The following RIT2 variants were observed in gnomAD, a reference collection of about 807,000 sequenced individuals.
RIT2 encodes the protein GTP-binding protein Rit2.
A neutral mutation model predicts 23.7 loss-of-function variants in RIT2; 24 were observed. The ratio of observed to expected loss-of-function variants is 1.01; its 90% CI spans 0.73 to 1.43. The LOEUF (loss-of-function observed/expected upper bound fraction) is 1.43. Ranked by LOEUF, RIT2 falls within the 40% of genes most tolerant of loss-of-function variation. RIT2 has a pLI of 0.00. For missense variants in RIT2, 236 were observed against 266.9 expected (o/e 0.88, Z 0.81); for synonymous variants, 107 against 91.1 (o/e 1.17, Z -0.99).
intron 4 of RIT2, among the ~76,000 whole-genome samples, chr18:42,848,562 T>A (rs1906968730): frequency 6.6e-6 from 1 of 152,186 alleles, no homozygotes; most frequent in African/African-American, 2.4e-5. Context: ...AAAAATGTTA[T>A]GAAGTAGGAA....
intron 1 of RIT2, among the ~76,000 whole-genome samples, chr18:43,079,821 A>G (rs1011977117): frequency 6.6e-6 from 1 of 152,172 alleles, no homozygotes; most frequent in Non-Finnish European, 1.5e-5. Flanking sequence ...CTTCTCCCCT[A>G]CAAAGAAAAG....
rs144903764 is a variant in RIT2, at chr18:42,847,083, G to A, written c.426+76489C>T. 9.1e-3 allele frequency among the ~76,000 whole-genome samples: 1,378 copies of A among 152,062 alleles called. 25 individuals carry two copies. The highest frequency in any genetic ancestry group is 0.032 in the African/African-American group (1,312 of 41,488). ...AACAAATTACTATCATTTGCCATGC[G>A]GTAAAAGGTCTTCAAAAAACATATA... On this transcript the variant is annotated intron_variant, in intron 4 of 4. Coordinates refer to ENST00000326695, the MANE Select transcript of RIT2 (RefSeq NM_002930.4).
intron 2 of RIT2, among the ~76,000 whole-genome samples, chr18:43,026,691 T>G (rs931275447): frequency 1.3e-5 from 2 of 150,988 alleles, no homozygotes; most frequent in African/African-American, 4.9e-5. Flanking sequence ...TTTTTTTTTT[T>G]GTAGAAAGAA....
chr18:42,878,183 G>A (rs951941114), intron 4 of RIT2, among the ~76,000 whole-genome samples: 3 of 151,054 alleles, frequency 2.0e-5, no homozygotes, highest in Non-Finnish European at 4.4e-5. Context: ...CCTGTGAGTG[G>A]AAAATCTGTG....
intron 4 of RIT2, among the ~76,000 whole-genome samples, chr18:42,905,355 C>T (rs952359825): frequency 6.6e-6 from 1 of 152,076 alleles, no homozygotes; most frequent in Non-Finnish European, 1.5e-5. Context: ...ACCTGTATAC[C>T]TGTAAAACTT....
At chr18:43,004,722 T>C (rs2144246580) in intron 2 of RIT2, among the ~76,000 whole-genome samples, 1 of 151,998 alleles carries the variant, frequency 6.6e-6, no homozygotes, top group South Asian at 2.1e-4. Flanking sequence ...ATGAGACCAT[T>C]CACTACAACA....
At chr18:42,933,534 A>C (rs1490427375) in intron 3 of RIT2, among the ~76,000 whole-genome samples, 3 of 152,026 alleles carry the variant, frequency 2.0e-5, no homozygotes, top group Admixed American at 2.0e-4. Context: ...TGCTGTTCTC[A>C]TGATAATGAG....
intron 4 of RIT2, among the ~76,000 whole-genome samples, chr18:42,767,314 C>T (rs1913447876): frequency 1.3e-5 from 2 of 152,208 alleles, no homozygotes; most frequent in Admixed American, 1.3e-4. Context: ...CTTGCATCAG[C>T]ATGACATGGA....
At chr18:42,974,453 A>C (rs1910435036) in intron 2 of RIT2, among the ~76,000 whole-genome samples, 1 of 152,026 alleles carries the variant, frequency 6.6e-6, no homozygotes, top group African/African-American at 2.4e-5. Context: ...AATGCAGGGC[A>C]AAATTGCATC....
intron 1 of RIT2, among the ~76,000 whole-genome samples, chr18:43,092,102 C>T (rs576348714): frequency 1.3e-5 from 2 of 152,124 alleles, no homozygotes; most frequent in Non-Finnish European, 1.5e-5. Context: ...AAAAATAGTC[C>T]TACTTTCCAA....
intron 4 of RIT2, among the ~76,000 whole-genome samples, chr18:42,890,875 A>G (rs1568022775): frequency 6.6e-6 from 1 of 152,122 alleles, no homozygotes; most frequent in South Asian, 2.1e-4. Flanking sequence ...AGGACAGTTG[A>G]TCGGCATATA....
chr18:43,103,830 G>A lies in RIT2; in HGVS notation c.103+11587C>T, dbSNP rs543692642. Reference sequence around the variant, plus strand: ...TATCTTAGTTGTTTGGGGAGGAGAAGAATCAAAATGGTATTTCAGGACGGT... The same window carrying A: ...TATCTTAGTTGTTTGGGGAGGAGAAAAATCAAAATGGTATTTCAGGACGGT... On this transcript the variant is annotated intron_variant, in intron 1 of 4. Transcript: ENST00000326695. Among the ~76,000 whole-genome samples the A allele has an allele frequency of 1.3e-3, 196 of 152,210 alleles. 1 individual carries two copies. The highest frequency in any genetic ancestry group is 2.9e-3 in the Admixed American group (44 of 15,288).
intron 3 of RIT2, among the ~76,000 whole-genome samples, chr18:42,972,398 G>C (rs1910382739): frequency 6.6e-6 from 1 of 151,738 alleles, no homozygotes; most frequent in Admixed American, 6.6e-5. Context: ...ATTTCTAGTT[G>C]CTTGTACACT....
At chr18:43,097,303 T>C (rs147082054) in intron 1 of RIT2, among the ~76,000 whole-genome samples, 433 of 151,972 alleles carry the variant, frequency 2.8e-3, no homozygotes, top group Middle Eastern at 0.014. Context: ...ATAGAGCATA[T>C]AAAACTTAAC....
intron 4 of RIT2, among the ~76,000 whole-genome samples, chr18:42,875,153 G>A (rs1404082597): frequency 1.3e-5 from 2 of 151,836 alleles, no homozygotes; most frequent in East Asian, 3.9e-4. Context: ...CATTCATTTA[G>A]TTTCTCATCC....
At chr18:43,034,485 A>G (rs1446467486) in intron 1 of RIT2, among the ~76,000 whole-genome samples, 1 of 152,080 alleles carries the variant, frequency 6.6e-6, no homozygotes, top group Non-Finnish European at 1.5e-5. Context: ...AACATTTGTA[A>G]TATTTCTATT....
intron 4 of RIT2, chr18:42,920,793 C>G: frequency 6.8e-7 from 1 of 1,471,142 alleles, no homozygotes. Flanking sequence ...TAGTGAGAAT[C>G]CTACTCCTTT....
intron 4 of RIT2, among the ~76,000 whole-genome samples, chr18:42,809,748 G>T (rs1905782874): frequency 1.3e-5 from 2 of 149,446 alleles, no homozygotes; most frequent in African/African-American, 4.9e-5. Context: ...AATGGCTCTA[G>T]ATTAAAGAAA....
intron 4 of RIT2, among the ~76,000 whole-genome samples, chr18:42,801,153 A>T (rs538737158): frequency 6.8e-6 from 1 of 147,406 alleles, no homozygotes; most frequent in East Asian, 1.9e-4. Flanking sequence ...GATGGTGAAG[A>T]AAAAAAAGAA....
Sources: allele counts gnomAD v4.1 joint callset (sites outside exome capture counted in the v4.1 genomes callset), GRCh38; gene constraint gnomAD v4.1.1; transcripts MANE v1.5; gene names NCBI Gene and HGNC (gene_info 2026-07-23, HGNC 2026-07-21).